The following PAK5 variants were observed in gnomAD, a reference collection of about 807,000 sequenced individuals.
PAK5 encodes serine/threonine-protein kinase PAK 5.
In PAK5, 16 loss-of-function variants were observed where a neutral mutation model predicts 65.9. The observed-to-expected ratio is 0.24, with a 90% CI of 0.16 to 0.37. The LOEUF is 0.37. Ranked by LOEUF, PAK5 falls within the 10% of genes least tolerant of loss-of-function variation. The pLI, the probability that PAK5 is intolerant of heterozygous loss-of-function variation, is 1.00. For missense variants in PAK5, 785 were observed against 903.9 expected, an observed-to-expected ratio of 0.87 and a Z score of 1.69; for synonymous variants, 371 against 354.9, an observed-to-expected ratio of 1.05 and a Z score of -0.51.
intron 1 of PAK5, among the ~76,000 whole-genome samples, chr20:9,826,700 T>C (rs1428284814): frequency 2.0e-5 from 3 of 152,168 alleles, no homozygotes; most frequent in Non-Finnish European, 4.4e-5. Context: ...TCCCAAACTT[T>C]CGATTTCTTC....
chr20:9,759,656 C>T (rs878928346), intron 1 of PAK5, among the ~76,000 whole-genome samples: 1 of 152,046 alleles, frequency 6.6e-6, no homozygotes, highest in Admixed American at 6.5e-5. Context: ...GTTGGTGATG[C>T]CTGTGGTACA....
chr20:9,610,582 A>T (rs1421280998), intron 3 of PAK5, among the ~76,000 whole-genome samples: 2 of 152,242 alleles, frequency 1.3e-5, no homozygotes, highest in Non-Finnish European at 2.9e-5. Context: ...AGGCAAATAT[A>T]AGATGTCGGC....
chr20:9,637,310 A>G (rs530521126), intron 3 of PAK5, among the ~76,000 whole-genome samples: 10 of 152,298 alleles, frequency 6.6e-5, no homozygotes, highest in African/African-American at 2.4e-4. Flanking sequence ...GAAAATTTAA[A>G]ACATAAGACT....
intron 1 of PAK5, among the ~76,000 whole-genome samples, chr20:9,743,811 G>T (rs369440493): frequency 1.1e-4 from 17 of 152,274 alleles, no homozygotes; most frequent in African/African-American, 4.1e-4. Flanking sequence ...CCCCTCAAAA[G>T]ATATCCACGT....
intron 1 of PAK5, among the ~76,000 whole-genome samples, chr20:9,719,702 T>C (rs76657449): frequency 0.025 from 3,832 of 152,242 alleles, 174 homozygotes; most frequent in African/African-American, 0.087. Flanking sequence ...TTCTAGCCCA[T>C]TGTGTTTGCC....
At chr20:9,671,682 A>G (rs112714481) in intron 2 of PAK5, among the ~76,000 whole-genome samples, 11,584 of 125,838 alleles carry the variant, frequency 0.092, 1,279 homozygotes, top group Middle Eastern at 0.23. Flanking sequence ...GGGCTGAGAC[A>G]ATGGGGTTTT....
chr20:9,610,241 G>A (rs1438543535), intron 3 of PAK5, among the ~76,000 whole-genome samples: 1 of 152,142 alleles, frequency 6.6e-6, no homozygotes, highest in African/African-American at 2.4e-5. Flanking sequence ...AATTGGTATA[G>A]CCACTATGGA....
intron 6 of PAK5, 26 bp downstream of exon 6, chr20:9,562,865 A>G: frequency 1.2e-6 from 2 of 1,600,660 alleles, no homozygotes; most frequent in Non-Finnish European, 1.7e-6. Flanking sequence ...AGCACCTCGA[A>G]TTCTCTGGAT....
At chr20:9,801,643 C>T (rs920410115) in intron 1 of PAK5, among the ~76,000 whole-genome samples, 6 of 151,516 alleles carry the variant, frequency 4.0e-5, no homozygotes, top group Non-Finnish European at 8.8e-5. Flanking sequence ...CGAAGAAAAA[C>T]TAAAATTTTC....
chr20:9,663,072 A>G (rs1306564555), intron 2 of PAK5, among the ~76,000 whole-genome samples: 1 of 152,232 alleles, frequency 6.6e-6, no homozygotes, highest in Non-Finnish European at 1.5e-5. Context: ...AGAGTTGTTA[A>G]TAAAATTATC....
At chr20:9,795,719 A>G (rs1569091123) in intron 1 of PAK5, among the ~76,000 whole-genome samples, 2 of 152,236 alleles carry the variant, frequency 1.3e-5, no homozygotes, top group South Asian at 2.1e-4. Context: ...TAAAAATCCA[A>G]TAGTTCAGAA....
At chr20:9,544,710 A>G (rs1157692654) in intron 7 of PAK5, among the ~76,000 whole-genome samples, 1 of 152,196 alleles carries the variant, frequency 6.6e-6, no homozygotes, top group African/African-American at 2.4e-5. Context: ...CAACTTCCAA[A>G]TGTCTCAACT....
chr20:9,625,250 C>T (rs1024048666), intron 3 of PAK5, among the ~76,000 whole-genome samples: 9 of 152,202 alleles, frequency 5.9e-5, no homozygotes, highest in Non-Finnish European at 2.9e-5. Context: ...TTTGATAACT[C>T]CTTCATCCTG....
intron 3 of PAK5, among the ~76,000 whole-genome samples, chr20:9,584,301 C>CTTATT (rs558325690): frequency 3.0e-4 from 46 of 152,112 alleles, no homozygotes; most frequent in East Asian, 1.6e-3. Flanking sequence ...CTGTTTACCA[C>CTTATT]TTATTTTATT....
At chr20:9,746,079 TA>T (rs1453287652) in intron 1 of PAK5, among the ~76,000 whole-genome samples, 1 of 152,172 alleles carries the variant, frequency 6.6e-6, no homozygotes, top group Non-Finnish European at 1.5e-5. Context: ...ATACAGAGAA[TA>T]AAATCTTCTC....
Position 9,566,038 on chromosome 20 carries a change from C to G in PAK5, c.1337G>C (p.Arg446Thr), listed in dbSNP as rs2122994683. 1 of 1,613,944 alleles carries G rather than the reference C, an allele frequency of 6.2e-7. No homozygotes were observed. The highest frequency in any genetic ancestry group is 1.1e-5 in the South Asian group (1 of 91,064). ...LQLVVSPGDP[R>T]EYLANFIKIG... ...TTTGATAAAGTTGGCCAAGTATTCC[C>G]TGGGGTCTCCTGGGCTGACCACCAG... Residue 446 changes from arginine (R) to threonine (T), a missense_variant, in exon 5 of 10, where the codon AGG (arginine) becomes ACG (threonine). This residue lies in a region of PAK5 where 182 missense variants were observed against 273.0 expected (regional missense o/e 0.67). Coordinates refer to ENST00000353224, the MANE Select transcript of PAK5 (RefSeq NM_177990.4).
At chr20:9,612,556 C>A (rs1458345106) in intron 3 of PAK5, among the ~76,000 whole-genome samples, 1 of 152,236 alleles carries the variant, frequency 6.6e-6, no homozygotes, top group Non-Finnish European at 1.5e-5. Context: ...TGTAAACAAC[C>A]AGATCTTGCA....
At chr20:9,670,040 A>T (rs113398949) in intron 2 of PAK5, among the ~76,000 whole-genome samples, 7,743 of 151,792 alleles carry the variant, frequency 0.051, 220 homozygotes, top group South Asian at 0.084. Flanking sequence ...TTTGTCCTTG[A>T]GATAGTTTCC....
At chr20:9,630,014 G>A (rs769609274) in intron 3 of PAK5, among the ~76,000 whole-genome samples, 86 of 152,192 alleles carry the variant, frequency 5.7e-4, no homozygotes, top group Non-Finnish European at 1.1e-3. Context: ...TCCCGAGGTC[G>A]TGTGGAAAGC....
Sources: gnomAD v4.1 joint callset for allele counts (sites outside exome capture counted in the v4.1 genomes callset) on GRCh38, gnomAD v4.1.1 for gene constraint, gnomAD v4.1.1 regional missense constraint, MANE v1.5 for transcripts, NCBI Gene and HGNC (gene_info 2026-07-23, HGNC 2026-07-21) for gene names.